Variants in KDM4C observed in about 807,000 individuals in gnomAD.
KDM4C encodes the protein lysine-specific demethylase 4C.
In KDM4C, 81 loss-of-function variants were observed where a neutral mutation model predicts 129.3. That is an observed-to-expected ratio of 0.63 (90% CI 0.52 to 0.75). The LOEUF is 0.75. KDM4C is among the 30% of genes least tolerant of loss of function. The pLI is 0.00. For missense variants in KDM4C, 1,457 were observed against 1,304.0 expected (o/e 1.12, Z -1.81); for synonymous variants, 573 against 456.1 (o/e 1.26, Z -3.26).
chr9:7,129,075 T>G (rs1318344480), intron 19 of KDM4C, among the ~76,000 whole-genome samples: 1 of 152,134 alleles, frequency 6.6e-6, no homozygotes, highest in Non-Finnish European at 1.5e-5. Context: ...GTGTGTGAGT[T>G]TGGGGAGCTG....
chr9:6,881,310 T>C (rs1035552499), intron 6 of KDM4C, among the ~76,000 whole-genome samples: 3 of 152,196 alleles, frequency 2.0e-5, no homozygotes, highest in Non-Finnish European at 4.4e-5. Flanking sequence ...AAAGTGTCTT[T>C]TTAAAAATGT....
intron 4 of KDM4C, among the ~76,000 whole-genome samples, chr9:6,815,889 G>T (rs771999912): frequency 1.3e-5 from 2 of 152,106 alleles, no homozygotes; most frequent in Non-Finnish European, 2.9e-5. Flanking sequence ...CTTTATCTCT[G>T]TTTCTATCTG....
intron 6 of KDM4C, among the ~76,000 whole-genome samples, chr9:6,882,300 G>T (rs1027199285): frequency 6.6e-6 from 1 of 152,218 alleles, no homozygotes; most frequent in Non-Finnish European, 1.5e-5. Context: ...TGGAGGAGAA[G>T]AGAGTTATAA....
chr9:6,902,269 C>G (rs1326250433), intron 8 of KDM4C, among the ~76,000 whole-genome samples: 1 of 152,058 alleles, frequency 6.6e-6, no homozygotes, highest in Non-Finnish European at 1.5e-5. Context: ...ATTTCATGAT[C>G]AAGTAAACAT....
intron 1 of KDM4C, among the ~76,000 whole-genome samples, chr9:6,781,027 C>A (rs1429172727): frequency 6.6e-6 from 1 of 152,076 alleles, no homozygotes; most frequent in African/African-American, 2.4e-5. Context: ...ATGCATATAG[C>A]AGACAGTAGC....
intron 1 of KDM4C, among the ~76,000 whole-genome samples, chr9:6,722,418 C>T (rs1253033232): frequency 6.6e-6 from 1 of 152,200 alleles, no homozygotes; most frequent in South Asian, 2.1e-4. Flanking sequence ...TGGCTCAAGC[C>T]TGTAATCCTA....
chr9:6,784,060 GT>G (rs943473601), intron 1 of KDM4C, among the ~76,000 whole-genome samples: 10 of 149,632 alleles, frequency 6.7e-5, no homozygotes, highest in South Asian at 2.1e-4. Flanking sequence ...TAATTTGAAT[GT>G]TTTTTTTTTC....
chr9:6,937,083 A>T (rs1472003082), intron 8 of KDM4C, among the ~76,000 whole-genome samples: 1 of 152,180 alleles, frequency 6.6e-6, no homozygotes, highest in Non-Finnish European at 1.5e-5. Flanking sequence ...AAAGGAAACA[A>T]GTAAGTTATT....
At chr9:6,743,344 T>C (rs1817766827) in intron 1 of KDM4C, among the ~76,000 whole-genome samples, 1 of 152,068 alleles carries the variant, frequency 6.6e-6, no homozygotes, top group Non-Finnish European at 1.5e-5. Context: ...CCCCGCACAA[T>C]TCAGGGCACA....
chr9:7,011,878 A>T lies in KDM4C; in HGVS notation c.1967A>T (p.Lys656Met), dbSNP rs1175750094. The change falls in exon 13 of 22, where the codon AAG becomes ATG. Residue 656 changes from lysine (K) to methionine (M), a missense_variant and splice_region_variant. Lys to Met is a moderately conservative substitution (Grantham distance 95). Coordinates refer to ENST00000381309, the MANE Select transcript of KDM4C (RefSeq NM_015061.6). ...TGCACTCTGCTCATGCCGTACCACA[A>T]GGTAAAGGAGCCTGCTATCATAGTT... ...AICTLLMPYH[K>M]PDSSNEENDA... 6.2e-7 allele frequency: 1 copy of T among 1,612,088 alleles called. No homozygotes were observed. Among genetic ancestry groups the T allele is most frequent in the South Asian group, 1.1e-5 (1 of 91,016 alleles).
At chr9:7,059,482 T>A (rs1467398511) in intron 17 of KDM4C, among the ~76,000 whole-genome samples, 1 of 152,206 alleles carries the variant, frequency 6.6e-6, no homozygotes, top group East Asian at 1.9e-4. Flanking sequence ...AAATGCCTGA[T>A]AGACTAGTGG....
intron 17 of KDM4C, among the ~76,000 whole-genome samples, chr9:7,083,723 G>GTGTGTC (rs1834807719): frequency 6.6e-6 from 1 of 151,390 alleles, no homozygotes; most frequent in Admixed American, 6.6e-5. Flanking sequence ...GTGTGTGTGT[G>GTGTGTC]TGTGTGTGTG....
In KDM4C at chr9:6,819,046, G is replaced by T. The variant is rs1832595203; in HGVS notation, c.435+4301G>T. On this transcript the variant is annotated intron_variant, in intron 4 of 21. Coordinates refer to ENST00000381309, the MANE Select transcript of KDM4C (RefSeq NM_015061.6). ...ATCCTGGCCTGAAAGTTGCATGTCT[G>T]AGTGCTTGAAAATAAAATAAAACTC... The T allele has an allele frequency of 2.6e-5, 4 of 152,136 alleles. No individual in the cohort carries two copies. In the South Asian group the frequency reaches 8.3e-4, roughly 32 times the overall value. The allele number at this position is 152,136 out of a possible 1,614,324, so 9.4% of individuals were successfully genotyped here.
intron 8 of KDM4C, among the ~76,000 whole-genome samples, chr9:6,938,803 A>G (rs186542311): frequency 1.4e-4 from 22 of 152,184 alleles, no homozygotes; most frequent in Admixed American, 1.3e-3. Flanking sequence ...GAGAGTAGAA[A>G]GATGGTAATT....
At chr9:7,016,530 A>G (rs1823727875) in intron 15 of KDM4C, among the ~76,000 whole-genome samples, 1 of 148,944 alleles carries the variant, frequency 6.7e-6, no homozygotes. Context: ...AGGTTAAGCA[A>G]TTCTCCAGTC....
At chr9:6,925,983 C>G (rs536175894) in intron 8 of KDM4C, among the ~76,000 whole-genome samples, 1 of 152,124 alleles carries the variant, frequency 6.6e-6, no homozygotes, top group Admixed American at 6.5e-5. Context: ...GTAAAGTACC[C>G]TGGATTCCTC....
At chr9:6,918,794 A>T (rs12349290) in intron 8 of KDM4C, among the ~76,000 whole-genome samples, 37,899 of 151,486 alleles carry the variant, frequency 0.25, 5,285 homozygotes, top group South Asian at 0.39. Context: ...ATTTTTTCAT[A>T]TCTTTGTTGG....
At chr9:6,811,091 C>A (rs1408881870) in intron 3 of KDM4C, among the ~76,000 whole-genome samples, 1 of 152,124 alleles carries the variant, frequency 6.6e-6, no homozygotes, top group African/African-American at 2.4e-5. Flanking sequence ...GCCAGGATCA[C>A]CTGGTTGTGG....
chr9:7,005,285 G>T (rs532034943), intron 12 of KDM4C, among the ~76,000 whole-genome samples: 1 of 151,862 alleles, frequency 6.6e-6, no homozygotes, highest in East Asian at 1.9e-4. Flanking sequence ...AAAATACAAA[G>T]TTAGCCGGGC....
Sources: allele counts gnomAD v4.1 joint callset (sites outside exome capture counted in the v4.1 genomes callset), GRCh38; gene constraint gnomAD v4.1.1; transcripts MANE v1.5; gene names NCBI Gene and HGNC (gene_info 2026-07-23, HGNC 2026-07-21).